ARHGAP42: variants seen among roughly 807,000 people sequenced by gnomAD.
ARHGAP42 encodes rho GTPase-activating protein 42.
ARHGAP42 carries 63 observed loss-of-function variants against 125.0 expected under a neutral mutation model. The observed-to-expected ratio is 0.50, with a 90% confidence interval of 0.41 to 0.62. The LOEUF (loss-of-function observed/expected upper bound fraction) is 0.62. Among genes scored for constraint, ARHGAP42 ranks in the 20% least tolerant of loss-of-function variants. The pLI, the probability that ARHGAP42 is intolerant of heterozygous loss-of-function variation, is 0.00. For missense variants in ARHGAP42, 766 were observed against 1,024.2 expected (o/e 0.75, Z 3.44); for synonymous variants, 339 against 351.0 (o/e 0.97, Z 0.38).
At chr11:100,812,370 C>G (rs1864167093) in intron 3 of ARHGAP42, among the ~76,000 whole-genome samples, 1 of 152,150 alleles carries the variant, frequency 6.6e-6, no homozygotes, top group South Asian at 2.1e-4. Flanking sequence ...ATCTCTTTCT[C>G]TGGGCTGGAT....
At chr11:100,704,167 C>T (rs780339268) in intron 1 of ARHGAP42, among the ~76,000 whole-genome samples, 1 of 152,148 alleles carries the variant, frequency 6.6e-6, no homozygotes, top group Non-Finnish European at 1.5e-5. Flanking sequence ...AAAGGTGGTA[C>T]AGTTAACTTT....
chr11:100,869,363 T>C (rs1285361717), intron 4 of ARHGAP42, among the ~76,000 whole-genome samples: 1 of 151,984 alleles, frequency 6.6e-6, no homozygotes, highest in Non-Finnish European at 1.5e-5. Flanking sequence ...ATCTGGGCAC[T>C]ATACTATCCC....
intron 8 of ARHGAP42, among the ~76,000 whole-genome samples, chr11:100,938,485 C>A (rs755665359): frequency 1.3e-5 from 2 of 152,078 alleles, no homozygotes; most frequent in Non-Finnish European, 2.9e-5. Flanking sequence ...GCATCTGCTG[C>A]ATTATTTTTA....
chr11:100,769,335 G>A (rs563523188), intron 1 of ARHGAP42, among the ~76,000 whole-genome samples: 55 of 152,276 alleles, frequency 3.6e-4, no homozygotes, highest in African/African-American at 1.3e-3. Context: ...CACCCAGGCA[G>A]CCTGGCTCCA....
intron 3 of ARHGAP42, among the ~76,000 whole-genome samples, chr11:100,813,723 T>C (rs1864201641): frequency 6.6e-6 from 1 of 152,192 alleles, no homozygotes; most frequent in Non-Finnish European, 1.5e-5. Context: ...ACTTCCACAG[T>C]GTGTTAACTC....
At chr11:100,823,828 C>A (rs1257553349) in intron 3 of ARHGAP42, among the ~76,000 whole-genome samples, 1 of 152,102 alleles carries the variant, frequency 6.6e-6, no homozygotes, top group Non-Finnish European at 1.5e-5. Context: ...CTGAGAAGCT[C>A]TTATGATGAT....
chr11:100,804,739 C>T (rs561376356), intron 3 of ARHGAP42, among the ~76,000 whole-genome samples: 1 of 152,094 alleles, frequency 6.6e-6, no homozygotes, highest in African/African-American at 2.4e-5. Flanking sequence ...GTCTCAAACT[C>T]CTGACCTCGT....
chr11:100,790,685 G>T (rs1009196253), intron 2 of ARHGAP42, among the ~76,000 whole-genome samples: 1 of 152,150 alleles, frequency 6.6e-6, no homozygotes, highest in Non-Finnish European at 1.5e-5. Flanking sequence ...GAAATGTATT[G>T]TTAAACTCCC....
intron 6 of ARHGAP42, among the ~76,000 whole-genome samples, chr11:100,932,468 G>A (rs1466382338): frequency 6.6e-6 from 1 of 152,024 alleles, no homozygotes; most frequent in East Asian, 1.9e-4. Context: ...ATTCCATGGA[G>A]AGCCTGTCTT....
At chr11:100,883,902 G>T (rs1271049152) in intron 4 of ARHGAP42, among the ~76,000 whole-genome samples, 1 of 152,178 alleles carries the variant, frequency 6.6e-6, no homozygotes, top group African/African-American at 2.4e-5. Flanking sequence ...TGTATTTTTA[G>T]AAGTTGGTAT....
chr11:100,880,391 A>G (rs1299023957), intron 4 of ARHGAP42, among the ~76,000 whole-genome samples: 1 of 152,162 alleles, frequency 6.6e-6, no homozygotes, highest in Non-Finnish European at 1.5e-5. Context: ...ACTTAGAATA[A>G]TAGTCTCCAG....
At chr11:100,749,888 A>G (rs975314250) in intron 1 of ARHGAP42, among the ~76,000 whole-genome samples, 1 of 152,114 alleles carries the variant, frequency 6.6e-6, no homozygotes, top group African/African-American at 2.4e-5. Context: ...GCTTCTCCTT[A>G]TTTGGTCTGT....
chr11:100,807,564 G>A (rs1565222803), intron 3 of ARHGAP42, among the ~76,000 whole-genome samples: 1 of 152,180 alleles, frequency 6.6e-6, no homozygotes. Flanking sequence ...GAGTTACTCA[G>A]TGTGATGTCG....
intron 1 of ARHGAP42, among the ~76,000 whole-genome samples, chr11:100,759,434 C>G (rs1230798396): frequency 6.6e-6 from 1 of 152,060 alleles, no homozygotes; most frequent in Non-Finnish European, 1.5e-5. Flanking sequence ...CTCTGAATTC[C>G]CACATTCAGT....
At chr11:100,893,303 G>A (rs1279433049) in intron 4 of ARHGAP42, among the ~76,000 whole-genome samples, 1 of 151,938 alleles carries the variant, frequency 6.6e-6, no homozygotes, top group Non-Finnish European at 1.5e-5. Context: ...GTTGATGTTG[G>A]ACCTCATGAT....
chr11:100,931,535 TTTAA>T (rs1455108262), intron 6 of ARHGAP42, among the ~76,000 whole-genome samples: 2 of 152,224 alleles, frequency 1.3e-5, no homozygotes, highest in Non-Finnish European at 2.9e-5. Context: ...TCTTTACAAG[TTTAA>T]TTAACTTTTA....
At chr11:100,927,814 C>T (rs1220297872) in intron 6 of ARHGAP42, among the ~76,000 whole-genome samples, 10 of 152,248 alleles carry the variant, frequency 6.6e-5, no homozygotes, top group Admixed American at 3.3e-4. Flanking sequence ...TGCATGGCCA[C>T]GGCTTTGTTT....
chr11:100,888,349 A>T (rs1866143548), intron 4 of ARHGAP42, among the ~76,000 whole-genome samples: 1 of 152,140 alleles, frequency 6.6e-6, no homozygotes, highest in Non-Finnish European at 1.5e-5. Context: ...TGCCAAAATG[A>T]GAATTCAGAG....
At chr11:100,699,867 C>A (rs951091183) in intron 1 of ARHGAP42, among the ~76,000 whole-genome samples, 4 of 151,968 alleles carry the variant, frequency 2.6e-5, no homozygotes, top group African/African-American at 9.7e-5. Flanking sequence ...ATAAAAGTGC[C>A]AGCAGTGCCA....
Sources: gnomAD v4.1 joint callset for allele counts (sites outside exome capture counted in the v4.1 genomes callset) on GRCh38, gnomAD v4.1.1 for gene constraint, MANE v1.5 for transcripts, NCBI Gene and HGNC (gene_info 2026-07-23, HGNC 2026-07-21) for gene names.